The following VCL variants were observed in gnomAD, a reference collection of about 807,000 sequenced individuals.
VCL encodes the protein vinculin.
Under a neutral mutation model 125.7 loss-of-function variants are expected in VCL, and 47 were observed. The ratio of observed to expected loss-of-function variants is 0.37; its 90% confidence interval spans 0.30 to 0.48. VCL has a LOEUF of 0.48. VCL is among the 20% of genes least tolerant of loss of function. The probability of loss-of-function intolerance (pLI) is 0.99; values close to 1 mark genes in which losing one functional copy is unlikely to be tolerated. For synonymous variants in VCL, 458 were observed against 514.6 expected, an observed-to-expected ratio of 0.89 and a Z score of 1.49; for missense variants, 1,069 against 1,455.5, an observed-to-expected ratio of 0.73 and a Z score of 4.32.
intron 13 of VCL, among the ~76,000 whole-genome samples, chr10:74,100,264 C>A (rs879550962): frequency 2.0e-5 from 3 of 152,208 alleles, no homozygotes; most frequent in Non-Finnish European, 2.9e-5. Flanking sequence ...CAGTATGCAA[C>A]CTTGCACAGT....
At chr10:74,103,057 G>A (rs965414081) in intron 14 of VCL, among the ~76,000 whole-genome samples, 1 of 151,936 alleles carries the variant, frequency 6.6e-6, no homozygotes, top group African/African-American at 2.4e-5. Flanking sequence ...TATTAGAGAT[G>A]GGGTTTCACC....
intron 1 of VCL, among the ~76,000 whole-genome samples, chr10:74,013,545 A>G (rs1840476111): frequency 6.6e-6 from 1 of 152,012 alleles, no homozygotes; most frequent in Non-Finnish European, 1.5e-5. Flanking sequence ...TACTAGATAA[A>G]TCAGCATATG....
At chr10:74,020,226 A>G (rs1840635126) in intron 1 of VCL, among the ~76,000 whole-genome samples, 1 of 152,204 alleles carries the variant, frequency 6.6e-6, no homozygotes, top group Admixed American at 6.6e-5. Flanking sequence ...TATTATGCAA[A>G]TGAGCTTACT....
chr10:74,015,446 C>T (rs376979772), intron 1 of VCL, among the ~76,000 whole-genome samples: 1 of 151,936 alleles, frequency 6.6e-6, no homozygotes, highest in African/African-American at 2.4e-5. Flanking sequence ...CCCAGCTACT[C>T]GGGAGACTGA....
At chr10:74,114,418 T>G in intron 20 of VCL, 31 bp downstream of exon 20, 2 of 1,451,724 alleles carry the variant, frequency 1.4e-6, no homozygotes, top group Admixed American at 2.0e-5. Flanking sequence ...CGTGTGTGTG[T>G]GTGTGTGTGT....
intron 16 of VCL, 27 bp from the exon 17 acceptor site, chr10:74,107,203 C>A: frequency 6.2e-7 from 1 of 1,614,110 alleles, no homozygotes; most frequent in South Asian, 1.1e-5. Flanking sequence ...ACCCACCCAG[C>A]TGAAAGTGAG....
At chr10:74,095,592 C>T in intron 11 of VCL, 64 bp from the exon 12 acceptor site, 1 of 1,604,706 alleles carries the variant, frequency 6.2e-7, no homozygotes. Flanking sequence ...CATCGCACCA[C>T]AGAATGGCAT....
intron 1 of VCL, among the ~76,000 whole-genome samples, chr10:74,008,799 G>A (rs1167509459): frequency 6.6e-6 from 1 of 152,158 alleles, no homozygotes; most frequent in Non-Finnish European, 1.5e-5. Context: ...TGCTTTCTTT[G>A]TAGATGTTTC....
At chr10:74,029,647 T>A (rs545218174) in intron 1 of VCL, among the ~76,000 whole-genome samples, 1 of 152,338 alleles carries the variant, frequency 6.6e-6, no homozygotes, top group African/African-American at 2.4e-5. Context: ...CATCAGAACT[T>A]GCCACTGACA....
At chr10:74,103,561 G>A (rs1303643245) in intron 14 of VCL, among the ~76,000 whole-genome samples, 1 of 152,212 alleles carries the variant, frequency 6.6e-6, no homozygotes, top group East Asian at 1.9e-4. Flanking sequence ...TTCTTCTGAA[G>A]TATCAAGTGG....
intron 6 of VCL, chr10:74,076,119 T>C (rs571161732): frequency 2.6e-5 from 4 of 152,644 alleles, no homozygotes; most frequent in African/African-American, 7.2e-5. Flanking sequence ...GAAGGTAAGC[T>C]TTCTCTTGCC....
At chr10:74,099,459 C>T (rs1017662485) in intron 13 of VCL, among the ~76,000 whole-genome samples, 7 of 152,080 alleles carry the variant, frequency 4.6e-5, no homozygotes, top group African/African-American at 1.7e-4. Context: ...CCTATAGTAT[C>T]AGTGCTTAGC....
At chr10:74,005,456 A>G (rs1228726937) in intron 1 of VCL, among the ~76,000 whole-genome samples, 1 of 152,052 alleles carries the variant, frequency 6.6e-6, no homozygotes, top group African/African-American at 2.4e-5. Flanking sequence ...GGGTTTCACC[A>G]TGTTGGCCAG....
At chr10:74,115,497 T>G (rs540665185) in intron 21 of VCL, among the ~76,000 whole-genome samples, 103 of 152,350 alleles carry the variant, frequency 6.8e-4, no homozygotes, top group African/African-American at 2.4e-3. Context: ...CTAGAGAGGT[T>G]AAGTGTCTGA....
chr10:74,009,473 A>C (rs1046884638), intron 1 of VCL, among the ~76,000 whole-genome samples: 1 of 151,290 alleles, frequency 6.6e-6, no homozygotes, highest in Admixed American at 6.6e-5. Flanking sequence ...GTTAGCCAGG[A>C]TGGTCTCGAT....
rs1160422453 is a variant in VCL at position 74,119,510 on chromosome 10, CACAG to C, written c.*1342_*1345del. 1.3e-5 allele frequency: 2 copies of C among 152,202 alleles called. No individual in the cohort carries two copies. The highest frequency in any genetic ancestry group is 4.8e-5 in the African/African-American group (2 of 41,434). 9.4% of individuals were successfully genotyped at this position (152,202 alleles called of 1,614,324 possible). ...TAATGGGTTTCATATTTCTTATCAC[CACAG>C]TAAGTTCCTACTAGGCAAAATGAGA... is the stretch of plus-strand genomic sequence containing the variant. On this transcript the variant is annotated 3_prime_UTR_variant, in exon 22 of 22. Transcript: ENST00000211998.
chr10:74,039,515 G>C (rs2136246329), intron 1 of VCL, among the ~76,000 whole-genome samples: 3 of 151,806 alleles, frequency 2.0e-5, no homozygotes, highest in Non-Finnish European at 4.4e-5. Context: ...AGGCGTGGTG[G>C]CTCATGACTG....
rs1353324687 is a variant in VCL at position 74,097,345 on chromosome 10, G to C, written c.1872+13G>C. 1 of 1,611,852 alleles carries C rather than the reference G, an allele frequency of 6.2e-7. No homozygotes were observed. Among genetic ancestry groups the C allele is most frequent in the Non-Finnish European group, 8.5e-7 (1 of 1,179,414 alleles). Reference sequence around the variant, plus strand: ...TAACAGGGAAGAGGTGGGTATCTGAGGTCTTCCATTTTTCTGTCAGCCTGT... The same window carrying C: ...TAACAGGGAAGAGGTGGGTATCTGACGTCTTCCATTTTTCTGTCAGCCTGT... On this transcript the variant is annotated intron_variant, in intron 13 of 21. Coordinates refer to ENST00000211998, the MANE Select transcript of VCL (RefSeq NM_014000.3). The surrounding 1 kb of genome is among the most constrained non-coding windows in gnomAD (Gnocchi z 4.1).
intron 1 of VCL, among the ~76,000 whole-genome samples, chr10:74,037,575 G>C (rs1005039266): frequency 6.6e-6 from 1 of 152,202 alleles, no homozygotes; most frequent in Non-Finnish European, 1.5e-5. Flanking sequence ...ACAAAGTCCT[G>C]AACTAACTGA....
Sources: gnomAD v4.1 joint callset for allele counts (sites outside exome capture counted in the v4.1 genomes callset) on GRCh38, gnomAD v4.1.1 for gene constraint, Gnocchi (gnomAD v3.1) non-coding constraint, MANE v1.5 for transcripts, NCBI Gene and HGNC (gene_info 2026-07-23, HGNC 2026-07-21) for gene names.